Variants in NTRK2 observed in about 807,000 individuals in gnomAD.
NTRK2 encodes the protein neurotrophic receptor tyrosine kinase 2.
NTRK2 carries 13 observed loss-of-function variants against 94.5 expected under a neutral mutation model. That is an observed-to-expected ratio of 0.14 (90% CI 0.09 to 0.22). The LOEUF is 0.22. Ranked by LOEUF, NTRK2 falls within the 10% of genes least tolerant of loss-of-function variation. The pLI, the probability that NTRK2 is intolerant of heterozygous loss-of-function variation, is 1.00. For synonymous variants in NTRK2, 372 were observed against 407.4 expected (o/e 0.91, Z 1.05); for missense variants, 639 against 1,071.2 (o/e 0.60, Z 5.63).
At chr9:84,678,045 A>G (rs1160053942) in intron 2 of NTRK2, among the ~76,000 whole-genome samples, 1 of 152,148 alleles carries the variant, frequency 6.6e-6, no homozygotes, top group Admixed American at 6.5e-5. Context: ...CTACACACAC[A>G]CACATAGACA....
intron 12 of NTRK2, among the ~76,000 whole-genome samples, chr9:84,799,574 G>A (rs1234840099): frequency 8.5e-6 from 1 of 118,240 alleles, no homozygotes; most frequent in East Asian, 2.5e-4. Context: ...GTAGCTATAC[G>A]GGTTTAGGAT....
chr9:84,971,887 G>A (rs1439005324), intron 17 of NTRK2, among the ~76,000 whole-genome samples: 1 of 152,120 alleles, frequency 6.6e-6, no homozygotes, highest in Non-Finnish European at 1.5e-5. Context: ...GAAAAGAAGA[G>A]GAAGATATCA....
intron 17 of NTRK2, among the ~76,000 whole-genome samples, chr9:85,008,421 C>A (rs769946200): frequency 3.2e-4 from 49 of 152,106 alleles, no homozygotes; most frequent in Non-Finnish European, 6.0e-4. Context: ...CACCAACCAA[C>A]AGTCCCTGCC....
chr9:84,729,431 A>C (rs940072435), intron 9 of NTRK2, among the ~76,000 whole-genome samples: 12 of 152,208 alleles, frequency 7.9e-5, no homozygotes, highest in African/African-American at 2.9e-4. Flanking sequence ...GTAAATCCCT[A>C]GCTTGCAGTG....
chr9:84,900,070 G>T (rs1334903391), intron 14 of NTRK2, among the ~76,000 whole-genome samples: 1 of 152,154 alleles, frequency 6.6e-6, no homozygotes, highest in Non-Finnish European at 1.5e-5. Context: ...AAGGAACATG[G>T]CATAGGTCTA....
intron 14 of NTRK2, among the ~76,000 whole-genome samples, chr9:84,922,277 C>T (rs1000589655): frequency 2.6e-5 from 4 of 152,194 alleles, no homozygotes; most frequent in Admixed American, 6.5e-5. Context: ...TGTCCAACAA[C>T]GTTCTCTTTC....
At chr9:84,894,285 G>A (rs553458008) in intron 14 of NTRK2, among the ~76,000 whole-genome samples, 40 of 152,278 alleles carry the variant, frequency 2.6e-4, no homozygotes, top group African/African-American at 8.9e-4. Context: ...CATCTCACAC[G>A]TGTAGTTTAA....
intron 17 of NTRK2, among the ~76,000 whole-genome samples, chr9:84,983,906 T>C (rs1827970919): frequency 6.6e-6 from 1 of 152,194 alleles, no homozygotes; most frequent in Admixed American, 6.5e-5. Context: ...GTGGAAGACA[T>C]GGGACAGTGG....
At chr9:84,818,162 A>G (rs899593287) in intron 12 of NTRK2, among the ~76,000 whole-genome samples, 11 of 152,306 alleles carry the variant, frequency 7.2e-5, no homozygotes, top group Middle Eastern at 3.4e-3. Context: ...AAACTGAGGA[A>G]TGGAGCCATG....
intron 14 of NTRK2, among the ~76,000 whole-genome samples, chr9:84,929,404 G>A (rs2077941767): frequency 6.6e-6 from 1 of 152,160 alleles, no homozygotes; most frequent in African/African-American, 2.4e-5. Context: ...CACGAGTTTG[G>A]TGGTGTATTT....
At chr9:84,698,650 C>G (rs1020835115) in intron 2 of NTRK2, among the ~76,000 whole-genome samples, 3 of 152,186 alleles carry the variant, frequency 2.0e-5, no homozygotes, top group African/African-American at 7.2e-5. Context: ...ACAATTTACA[C>G]TTCCTCCAAC....
intron 12 of NTRK2, chr9:84,811,663 A>T (rs1419753443): frequency 9.4e-7 from 1 of 1,065,234 alleles, no homozygotes; most frequent in African/African-American, 1.6e-5. Flanking sequence ...CTGGGTTTTC[A>T]TGGGTAGGAA....
intron 12 of NTRK2, among the ~76,000 whole-genome samples, chr9:84,824,117 A>G (rs1166745522): frequency 1.3e-5 from 2 of 152,134 alleles, no homozygotes; most frequent in African/African-American, 4.8e-5. Context: ...GAGCTTAGGG[A>G]GCTGGGCTTT....
chr9:84,811,723 T>A (rs1431049306), intron 12 of NTRK2: 1 of 1,065,518 alleles, frequency 9.4e-7, no homozygotes, highest in Non-Finnish European at 1.1e-6. Context: ...CTAATGAATA[T>A]ATGCTTTATA....
chr9:84,875,227 T>A, intron 14 of NTRK2: 6 of 1,058,648 alleles, frequency 5.7e-6, no homozygotes, highest in Non-Finnish European at 5.7e-6. Flanking sequence ...TTGGGGAGAT[T>A]GTGCTGCACA....
Position 85,023,235 on chromosome 9 carries a change from C to T in NTRK2, c.*1798C>T. The T allele has an allele frequency of 4.3e-6, 1 of 232,892 alleles. No individual in the cohort carries two copies. The highest frequency in any genetic ancestry group is 8.5e-6 in the Non-Finnish European group (1 of 117,864). 14.4% of individuals were successfully genotyped at this position (232,892 alleles called of 1,614,324 possible). ...TCTGTTCCTCAAGAAAACTTGCTAC[C>T]CTCTGTGAGGGGAATTTTGCTAAAC... On this transcript the variant is annotated 3_prime_UTR_variant, in exon 19 of 19. Transcript: ENST00000277120.
intron 12 of NTRK2, among the ~76,000 whole-genome samples, chr9:84,798,707 A>G (rs2069948824): frequency 6.6e-6 from 1 of 152,080 alleles, no homozygotes; most frequent in Admixed American, 6.6e-5. Context: ...TTTTATTTAC[A>G]ATCTCAACCT....
At chr9:84,706,598 C>T (rs2061109073) in intron 4 of NTRK2, among the ~76,000 whole-genome samples, 1 of 129,702 alleles carries the variant, frequency 7.7e-6, no homozygotes, top group Non-Finnish European at 1.6e-5. Context: ...GGCACAATCT[C>T]TGCTCACTGC....
chr9:84,831,771 A>G (rs2073563510), intron 12 of NTRK2, among the ~76,000 whole-genome samples: 1 of 152,230 alleles, frequency 6.6e-6, no homozygotes, highest in African/African-American at 2.4e-5. Context: ...CACATGATGG[A>G]TAATCAACAG....
Sources: allele counts gnomAD v4.1 joint callset (sites outside exome capture counted in the v4.1 genomes callset), GRCh38; gene constraint gnomAD v4.1.1; transcripts MANE v1.5; gene names NCBI Gene and HGNC (gene_info 2026-07-23, HGNC 2026-07-21).